The following PPP1R1C variants were observed in gnomAD, a reference collection of about 807,000 sequenced individuals.
The protein encoded by PPP1R1C is protein phosphatase 1 regulatory subunit 1C.
In PPP1R1C, 15 loss-of-function variants were observed where a neutral mutation model predicts 17.4. The ratio of observed to expected loss-of-function variants is 0.86; its 90% CI spans 0.58 to 1.33. The LOEUF is 1.33. Among genes scored for constraint, PPP1R1C ranks in the 40% most tolerant of loss-of-function variants. The pLI is 0.00. For synonymous variants in PPP1R1C, 35 were observed against 43.1 expected, an observed-to-expected ratio of 0.81 and a Z score of 0.73; for missense variants, 143 against 130.0, an observed-to-expected ratio of 1.10 and a Z score of -0.48.
chr2:182,097,562 C>A (rs1688978793), intron 4 of PPP1R1C, among the ~76,000 whole-genome samples: 1 of 152,160 alleles, frequency 6.6e-6, no homozygotes, highest in Admixed American at 6.5e-5. Flanking sequence ...TTGGTTCACC[C>A]CTTTAGTCTT....
At chr2:182,107,478 T>G (rs1163307630) in intron 4 of PPP1R1C, among the ~76,000 whole-genome samples, 1 of 152,204 alleles carries the variant, frequency 6.6e-6, no homozygotes, top group Admixed American at 6.5e-5. Context: ...AAAACACTTT[T>G]AAAAATACAA....
intron 2 of PPP1R1C, among the ~76,000 whole-genome samples, chr2:182,052,321 C>G (rs553244031): frequency 5.4e-4 from 82 of 152,206 alleles, no homozygotes; most frequent in African/African-American, 1.9e-3. Flanking sequence ...TCATTGAACA[C>G]AAATCTAGTC....
In PPP1R1C at chr2:181,976,849, A is replaced by C. The variant is rs1013096466; in HGVS notation, n.157+1585A>C. Among the ~76,000 whole-genome samples the C allele has an allele frequency of 6.6e-6, 1 of 152,076 alleles. No homozygotes were observed. The highest frequency in any genetic ancestry group is 1.5e-5 in the Non-Finnish European group (1 of 68,014). ...AGGTGTTTTTTAAAGAACTTGCCTA[A>C]ATTATGGGCCAGGCACAATGGCTTA... On this transcript the variant is annotated intron_variant and non_coding_transcript_variant, in intron 2 of 5. Coordinates refer to the PPP1R1C transcript ENST00000464264. This position sits in a 1 kb window ranked among gnomAD's most constrained non-coding sequence, Gnocchi z 4.8.
At chr2:182,075,538 T>C (rs1688273554) in intron 4 of PPP1R1C, among the ~76,000 whole-genome samples, 1 of 152,188 alleles carries the variant, frequency 6.6e-6, no homozygotes, top group Admixed American at 6.5e-5. Context: ...GCAGGAGATA[T>C]GAGAGCAGGC....
chr2:182,030,868 CTG>C (rs1686806640), intron 2 of PPP1R1C: 2 of 158,002 alleles, frequency 1.3e-5, no homozygotes. Flanking sequence ...CAGTGAGACT[CTG>C]TGGGCGTAGG....
At chr2:182,015,307 C>T (rs1686228756) in intron 2 of PPP1R1C, among the ~76,000 whole-genome samples, 1 of 152,154 alleles carries the variant, frequency 6.6e-6, no homozygotes, top group African/African-American at 2.4e-5. Context: ...CTCATTCTCT[C>T]TTCCCTGCTG....
At chr2:182,122,447 A>T (rs1327158887), downstream of PPP1R1C, among the ~76,000 whole-genome samples, 1 of 152,214 alleles carries the variant, frequency 6.6e-6, no homozygotes, top group African/African-American at 2.4e-5. Flanking sequence ...GCAAGTTTAA[A>T]GTGTGAGTAT....
intron 4 of PPP1R1C, 159 bp downstream of exon 4, chr2:182,063,950 C>A: frequency 1.9e-6 from 1 of 529,680 alleles, no homozygotes; most frequent in Non-Finnish European, 3.4e-6. Flanking sequence ...CTACTTAAAA[C>A]TTAGTTTCAT....
At position 181,961,150 on chromosome 2, in the gene PPP1R1C, T is replaced by C. The variant is rs1262874554; in HGVS notation, n.111+6516T>C. 3 of 691,490 alleles carry C rather than the reference T, an allele frequency of 4.3e-6. No individual in the cohort carries two copies. Among genetic ancestry groups the C allele is most frequent in the African/African-American group, 1.8e-5 (1 of 56,622 alleles). 42.8% of individuals were successfully genotyped at this position (691,490 alleles called of 1,614,324 possible). On this transcript the variant is annotated intron_variant and non_coding_transcript_variant, in intron 1 of 5. Transcript: ENST00000464264. This position sits in a 1 kb window ranked among gnomAD's most constrained non-coding sequence, Gnocchi z 5.8. ...CCTCCCTTCCTTCCTTCCTTTCACC[T>C]CTGAACTTTTTATTGACCTCCTGCT...
chr2:181,986,230 G>C, intron 1 of PPP1R1C, 39 bp downstream of exon 1: 1 of 1,440,902 alleles, frequency 6.9e-7, no homozygotes, highest in South Asian at 1.1e-5. Context: ...CTGTACATAA[G>C]GTAATATGAA....
chr2:182,112,322 AGGAGT>A, intron 4 of PPP1R1C, among the ~76,000 whole-genome samples: 1 of 152,134 alleles, frequency 6.6e-6, no homozygotes, highest in Admixed American at 6.6e-5. Context: ...GTTTTATCCT[AGGAGT>A]GTTCCTGGGC....
At chr2:181,958,578 C>T (rs1485458581) in intron 1 of PPP1R1C, among the ~76,000 whole-genome samples, 1 of 152,170 alleles carries the variant, frequency 6.6e-6, no homozygotes, top group Non-Finnish European at 1.5e-5. Flanking sequence ...GCAGTGGGTC[C>T]TTCTTCCTGA....
In PPP1R1C at chr2:181,962,376, C is replaced by T. The variant is rs926537762; in HGVS notation, n.111+7742C>T. On this transcript the variant is annotated intron_variant and non_coding_transcript_variant, in intron 1 of 5. Coordinates refer to the PPP1R1C transcript ENST00000464264. This position sits in a 1 kb window ranked among gnomAD's most constrained non-coding sequence, Gnocchi z 6.0. ...CCAGAGCCCCCGGCGCCTGCATAGA[C>T]GCTGGCCATGCAGCTGGCCGGCCGG... 13 of 878,168 alleles carry T rather than the reference C, an allele frequency of 1.5e-5. 1 individual carries two copies. Among genetic ancestry groups the T allele is most frequent in the South Asian group, 4.3e-5 (3 of 70,484 alleles). The allele number at this position is 878,168 out of a possible 1,614,324, so 54.4% of individuals were successfully genotyped here. A position where few individuals can be genotyped will look rare whatever the true frequency, so the allele number is the denominator to read the frequency against.
At position 182,052,029 on chromosome 2, in the gene PPP1R1C, A is replaced by G. The variant is rs1384564802; in HGVS notation, c.143-9413A>G. On this transcript the variant is annotated intron_variant, in intron 2 of 4. Transcript: ENST00000682840. ...AAAAAAAAAAAATCATGATAATACA[A>G]TGATTAATACTTAATATTTTTGACA... Among the ~76,000 whole-genome samples, 6 of 152,270 alleles carry G rather than the reference A, an allele frequency of 3.9e-5. No homozygotes were observed. In the East Asian group the frequency reaches 1.2e-3, roughly 29 times the overall value.
At chr2:182,032,273 A>T (rs1317644241) in intron 2 of PPP1R1C, among the ~76,000 whole-genome samples, 1 of 152,174 alleles carries the variant, frequency 6.6e-6, no homozygotes. Flanking sequence ...TTGTTTCTAG[A>T]CGTGGTTAAC....
intron 4 of PPP1R1C, among the ~76,000 whole-genome samples, chr2:182,076,495 T>C (rs1290173096): frequency 6.6e-6 from 1 of 151,926 alleles, no homozygotes. Flanking sequence ...ATTGAAGAAA[T>C]AATATATGTA....
At chr2:182,012,023 T>C (rs187547967) in intron 2 of PPP1R1C, among the ~76,000 whole-genome samples, 1 of 152,232 alleles carries the variant, frequency 6.6e-6, no homozygotes, top group Admixed American at 6.5e-5. Context: ...AAGACTTGTT[T>C]TGTGGCCTAA....
intron 4 of PPP1R1C, among the ~76,000 whole-genome samples, chr2:182,074,380 T>C (rs1229089942): frequency 6.6e-6 from 1 of 152,138 alleles, no homozygotes; most frequent in African/African-American, 2.4e-5. Flanking sequence ...CCTCAGTTTA[T>C]CTGCTTGTTC....
intron 2 of PPP1R1C, among the ~76,000 whole-genome samples, chr2:182,042,635 T>C (rs967328470): frequency 1.2e-4 from 18 of 152,192 alleles, no homozygotes; most frequent in African/African-American, 4.1e-4. Context: ...AGAGGAAAGA[T>C]GCATGTGGCA....
Sources: allele counts gnomAD v4.1 joint callset (sites outside exome capture counted in the v4.1 genomes callset), GRCh38; gene constraint gnomAD v4.1.1; non-coding constraint Gnocchi (gnomAD v3.1); transcripts MANE v1.5; gene names NCBI Gene and HGNC (gene_info 2026-07-23, HGNC 2026-07-21).